UTRN: variants seen among roughly 807,000 people sequenced by gnomAD.
The protein encoded by UTRN is utrophin, also known as dystrophin-related protein 1.
A neutral mutation model predicts 463.9 loss-of-function variants in UTRN; 283 were observed. The ratio of observed to expected loss-of-function variants is 0.61; its 90% CI spans 0.55 to 0.67. UTRN has a LOEUF of 0.67. Among genes scored for constraint, UTRN ranks in the 30% least tolerant of loss-of-function variants. UTRN has a pLI of 0.00. For synonymous variants in UTRN, 1,442 were observed against 1,431.5 expected (o/e 1.01, Z -0.17); for missense variants, 3,922 against 4,084.3 (o/e 0.96, Z 1.08).
chr6:144,818,236 G>GA (rs1411870787), intron 65 of UTRN, among the ~76,000 whole-genome samples: 2 of 152,174 alleles, frequency 1.3e-5, no homozygotes, highest in Non-Finnish European at 2.9e-5. Context: ...GATTCATAGA[G>GA]AAAATAGATT....
At chr6:144,765,562 T>TG (rs1233917711) in intron 58 of UTRN, among the ~76,000 whole-genome samples, 1 of 152,100 alleles carries the variant, frequency 6.6e-6, no homozygotes, top group African/African-American at 2.4e-5. Flanking sequence ...TACAGGTACA[T>TG]GCCACCATGC....
chr6:144,576,979 G>A (rs1011775646), intron 50 of UTRN, 120 bp from the exon 51 acceptor site: 2 of 842,726 alleles, frequency 2.4e-6, no homozygotes, highest in African/African-American at 3.4e-5. Context: ...GTTACCTATG[G>A]TGACTTGAAT....
intron 2 of UTRN, among the ~76,000 whole-genome samples, chr6:144,368,432 T>C (rs1331495756): frequency 6.6e-6 from 1 of 152,228 alleles, no homozygotes; most frequent in Non-Finnish European, 1.5e-5. Context: ...CTAGATTCCT[T>C]GTTTTTTGGC....
chr6:144,753,147 T>C (rs1291253143), intron 56 of UTRN, among the ~76,000 whole-genome samples: 2 of 152,226 alleles, frequency 1.3e-5, no homozygotes, highest in Non-Finnish European at 2.9e-5. Flanking sequence ...TAAGGACAGC[T>C]GCAAATGAGA....
chr6:144,625,219 A>C (rs1459912811), intron 51 of UTRN, among the ~76,000 whole-genome samples: 1 of 152,238 alleles, frequency 6.6e-6, no homozygotes, highest in Non-Finnish European at 1.5e-5. Flanking sequence ...CAGCCACAGC[A>C]GACTTCTGTA....
chr6:144,731,254 A>G (rs1376825419), intron 54 of UTRN, among the ~76,000 whole-genome samples: 4 of 152,140 alleles, frequency 2.6e-5, no homozygotes, highest in Non-Finnish European at 5.9e-5. Context: ...AATAGTAACT[A>G]CCCTACTAAC....
In UTRN at chr6:144,748,464, G is replaced by T. The variant is rs144596208; in HGVS notation, c.8158G>T (p.Val2720Leu). 25 of 1,613,884 alleles carry T rather than the reference G, an allele frequency of 1.5e-5. No homozygotes were observed. The highest frequency in any genetic ancestry group is 8.5e-7 in the Non-Finnish European group (1 of 1,179,926). Reference protein sequence around the residue: ...AESVRNGWKPVGDLLIDSLQD... With the variant: ...AESVRNGWKPLGDLLIDSLQD... ...GTCCGTGCGGAATGGCTGGAAGCCC[G>T]TGGGAGACTTACTCATTGACTCGCT... Residue 2720 changes from valine (V) to leucine (L), a missense_variant, in exon 55 of 75, where the codon GTG (valine) becomes TTG (leucine). This residue lies in a region of UTRN where 1,309 missense variants were observed against 1,452.6 expected (regional missense o/e 0.90). Coordinates refer to ENST00000367545, the MANE Select transcript of UTRN (RefSeq NM_007124.3).
intron 13 of UTRN, among the ~76,000 whole-genome samples, chr6:144,443,097 G>A (rs1030311289): frequency 1.3e-5 from 2 of 152,190 alleles, no homozygotes; most frequent in Non-Finnish European, 2.9e-5. Flanking sequence ...AAAGGCAATA[G>A]TGTATCTTTA....
intron 65 of UTRN, among the ~76,000 whole-genome samples, chr6:144,819,046 G>A (rs1586702192): frequency 6.6e-6 from 1 of 152,070 alleles, no homozygotes; most frequent in East Asian, 1.9e-4. Context: ...CATTTGGGAA[G>A]CCCTATATCC....
At chr6:144,295,824 G>T (rs978132994) in intron 2 of UTRN, among the ~76,000 whole-genome samples, 2 of 152,188 alleles carry the variant, frequency 1.3e-5, no homozygotes, top group African/African-American at 2.4e-5. Context: ...GATGATAAAT[G>T]TGAGCCATAC....
intron 39 of UTRN, among the ~76,000 whole-genome samples, chr6:144,521,398 C>T (rs942591360): frequency 6.6e-6 from 1 of 152,262 alleles, no homozygotes; most frequent in South Asian, 2.1e-4. Flanking sequence ...CTAAATATGA[C>T]ACTTCATGAT....
intron 39 of UTRN, 142 bp downstream of exon 39, chr6:144,517,090 G>A: frequency 5.8e-6 from 4 of 690,204 alleles, no homozygotes; most frequent in Non-Finnish European, 8.2e-6. Context: ...GTTACTAGAT[G>A]TGTTCATATT....
At chr6:144,836,592 G>A (rs765449361) in intron 71 of UTRN, 51 bp downstream of exon 71, 1 of 1,599,490 alleles carries the variant, frequency 6.3e-7, no homozygotes, top group Admixed American at 1.7e-5. Flanking sequence ...TCTGTCCACT[G>A]CCCTGGGAGA....
intron 59 of UTRN, among the ~76,000 whole-genome samples, 188 bp from the exon 60 acceptor site, chr6:144,774,102 A>G (rs1035636109): frequency 1.3e-5 from 2 of 152,170 alleles, no homozygotes; most frequent in African/African-American, 2.4e-5. Flanking sequence ...TTTGAGATGT[A>G]TCTCAACATG....
chr6:144,326,526 A>T (rs1455489431), intron 2 of UTRN, among the ~76,000 whole-genome samples: 1 of 152,162 alleles, frequency 6.6e-6, no homozygotes, highest in Non-Finnish European at 1.5e-5. Context: ...CATATTGCTG[A>T]TGATGATGGG....
chr6:144,522,285 A>T, intron 40 of UTRN, 114 bp downstream of exon 40: 1 of 792,138 alleles, frequency 1.3e-6, no homozygotes. Flanking sequence ...GTGCCAGGGG[A>T]TTAATAATAT....
chr6:144,748,570 C>T, intron 55 of UTRN, 56 bp downstream of exon 55: 2 of 1,570,418 alleles, frequency 1.3e-6, no homozygotes, highest in South Asian at 2.4e-5. Flanking sequence ...TTAAATATAA[C>T]ACAAATAAAG....
At chr6:144,678,301 ATT>A in intron 51 of UTRN, 103 bp from the exon 52 acceptor site, 1 of 1,109,524 alleles carries the variant, frequency 9.0e-7, no homozygotes, top group East Asian at 2.5e-5. Context: ...ATTTCTTATA[ATT>A]TAAGGTGAAA....
chr6:144,721,472 G>T (rs1787163856), intron 53 of UTRN, among the ~76,000 whole-genome samples: 1 of 152,182 alleles, frequency 6.6e-6, no homozygotes, highest in East Asian at 1.9e-4. Flanking sequence ...GCCTCCCAAA[G>T]TGCTGGGATT....
Sources: gnomAD v4.1 joint callset for allele counts (sites outside exome capture counted in the v4.1 genomes callset) on GRCh38, gnomAD v4.1.1 for gene constraint, gnomAD v4.1.1 regional missense constraint, MANE v1.5 for transcripts, NCBI Gene and HGNC (gene_info 2026-07-23, HGNC 2026-07-21) for gene names.